Variants in MLLT1 observed in about 807,000 individuals in gnomAD.
MLLT1 encodes protein ENL.
MLLT1 carries 11 observed loss-of-function variants against 55.1 expected under a neutral mutation model. The ratio of observed to expected loss-of-function variants is 0.20; its 90% CI spans 0.13 to 0.33. MLLT1 has a LOEUF of 0.33. Among genes scored for constraint, MLLT1 ranks in the 10% least tolerant of loss-of-function variants. The pLI is 1.00. For synonymous variants in MLLT1, 323 were observed against 320.1 expected (o/e 1.01, Z -0.10); for missense variants, 536 against 760.6 (o/e 0.70, Z 3.47).
In MLLT1 at chr19:6,222,190, G is replaced by A. The variant is rs769603541; in HGVS notation, c.1041C>T (p.Pro347=). 1.9e-6 allele frequency: 3 copies of A among 1,599,522 alleles called. No individual in the cohort carries two copies. The highest frequency in any genetic ancestry group is 1.7e-5 in the Admixed American group (1 of 57,402). ...CCTCCAGGGCCTTTTTGGCCTCCCGGGGCTCACTCTCGGCCTTCACCTTCT... is the reference window on the plus strand; with the variant it reads ...CCTCCAGGGCCTTTTTGGCCTCCCGAGGCTCACTCTCGGCCTTCACCTTCT... ...RGEKVKAESE[P]REAKKALEVE... is the part of the protein sequence containing the mutation. The change falls in exon 6 of 12, where the codon CCC becomes CCT. Residue 347 remains proline, a synonymous_variant. Coordinates refer to ENST00000252674, the MANE Select transcript of MLLT1 (RefSeq NM_005934.4). This position sits in a 1 kb window ranked among gnomAD's most constrained non-coding sequence, Gnocchi z 4.1.
intron 3 of MLLT1, among the ~76,000 whole-genome samples, chr19:6,261,076 C>T (rs1343025946): frequency 2.6e-5 from 4 of 152,192 alleles, no homozygotes; most frequent in Admixed American, 2.6e-4. Flanking sequence ...CTTCCATACG[C>T]TCACCGGATA....
Position 6,212,592 on chromosome 19 carries a change from C to T in MLLT1, c.*450G>A, listed in dbSNP as rs749033338. 5.0e-5 allele frequency: 55 copies of T among 1,091,992 alleles called. No individual in the cohort carries two copies. The highest frequency in any genetic ancestry group is 9.7e-5 in the Admixed American group (2 of 20,654). 67.6% of individuals were successfully genotyped at this position (1,091,992 alleles called of 1,614,324 possible). On this transcript the variant is annotated 3_prime_UTR_variant, in exon 12 of 12. Coordinates refer to ENST00000252674, the MANE Select transcript of MLLT1 (RefSeq NM_005934.4). ...GACGACGCAGACACACAGGCAGGGC[C>T]TTCTGAGGTCCAGGGTGGGCGGAGG... is the stretch of plus-strand genomic sequence containing the variant.
intron 3 of MLLT1, among the ~76,000 whole-genome samples, chr19:6,234,628 C>G (rs913198239): frequency 1.3e-5 from 2 of 152,130 alleles, no homozygotes; most frequent in African/African-American, 4.8e-5. Context: ...GGCAGCCACA[C>G]AGAGAGACCA....
rs1568281522 is a variant in MLLT1 at position 6,231,441 on chromosome 19, T to TG, written c.277-729dup. ...GGCAGGCTTGCAGGAAGGAGCTGTCTGCACGGGCTCCTGTGGAGGCCTAGC... is the reference window on the plus strand; with the variant it reads ...GGCAGGCTTGCAGGAAGGAGCTGTCTGGCACGGGCTCCTGTGGAGGCCTAGC... On this transcript the variant is annotated intron_variant, in intron 3 of 11. Coordinates refer to ENST00000252674, the MANE Select transcript of MLLT1 (RefSeq NM_005934.4). This position sits in a 1 kb window ranked among gnomAD's most constrained non-coding sequence, Gnocchi z 5.1. Among the ~76,000 whole-genome samples, 1 of 152,084 alleles carries TG rather than the reference T, an allele frequency of 6.6e-6. No individual in the cohort carries two copies. Among genetic ancestry groups the TG allele is most frequent in the Non-Finnish European group, 1.5e-5 (1 of 68,022 alleles).
intron 6 of MLLT1, 56 bp from the exon 7 acceptor site, chr19:6,218,097 C>A: frequency 6.5e-7 from 1 of 1,542,516 alleles, no homozygotes; most frequent in South Asian, 1.2e-5. Flanking sequence ...TGTCACCTTT[C>A]AGCAGAGACA....
At chr19:6,243,107 A>G (rs2091131051) in intron 3 of MLLT1, among the ~76,000 whole-genome samples, 1 of 152,216 alleles carries the variant, frequency 6.6e-6, no homozygotes, top group South Asian at 2.1e-4. Flanking sequence ...ACAAAGCAAG[A>G]CAAAAATCAA....
At chr19:6,260,159 G>C (rs2144936687) in intron 3 of MLLT1, among the ~76,000 whole-genome samples, 2 of 152,000 alleles carry the variant, frequency 1.3e-5, no homozygotes, top group Middle Eastern at 6.8e-3. Context: ...GAGCAGGCAG[G>C]GATTCAGAGA....
chr19:6,237,893 G>A (rs538237159), intron 3 of MLLT1, among the ~76,000 whole-genome samples: 6 of 152,122 alleles, frequency 3.9e-5, no homozygotes, highest in Admixed American at 6.5e-5. Flanking sequence ...CTTTGAGGTC[G>A]GAAGTTTGAG....
chr19:6,211,196 G>A lies in MLLT1; in HGVS notation c.*1846C>T, dbSNP rs1332214318. The A allele has an allele frequency of 1.3e-5, 3 of 232,568 alleles. No individual in the cohort carries two copies. Among genetic ancestry groups the A allele is most frequent in the Non-Finnish European group, 2.5e-5 (3 of 117,732 alleles). The allele number at this position is 232,568 out of a possible 1,614,324, so 14.4% of individuals were successfully genotyped here. On this transcript the variant is annotated 3_prime_UTR_variant, in exon 12 of 12. Coordinates refer to ENST00000252674, the MANE Select transcript of MLLT1 (RefSeq NM_005934.4). The surrounding 1 kb of genome is among the most constrained non-coding windows in gnomAD (Gnocchi z 4.6). ...CTCAGGCCAGTTCCTTCAGTCCAATGTCTTAGTTTCCAGAGAAGAAAGGAA... is the reference window on the plus strand; with the variant it reads ...CTCAGGCCAGTTCCTTCAGTCCAATATCTTAGTTTCCAGAGAAGAAAGGAA...
intron 1 of MLLT1, among the ~76,000 whole-genome samples, chr19:6,279,345 G>A (rs2091444642): frequency 6.6e-6 from 1 of 152,138 alleles, no homozygotes; most frequent in African/African-American, 2.4e-5. Context: ...CCCGGGAGGG[G>A]TCTGAACAGG....
Position 6,270,535 on chromosome 19 carries a change from A to C in MLLT1, c.193+44T>G, listed in dbSNP as rs1374153560. The C allele has an allele frequency of 1.3e-6, 2 of 1,568,682 alleles. No individual in the cohort carries two copies. Among genetic ancestry groups the C allele is most frequent in the African/African-American group, 1.3e-5 (1 of 74,230 alleles). On this transcript the variant is annotated intron_variant, in intron 2 of 11. Coordinates refer to ENST00000252674, the MANE Select transcript of MLLT1 (RefSeq NM_005934.4). This position sits in a 1 kb window ranked among gnomAD's most constrained non-coding sequence, Gnocchi z 7.1. ...GCCTGGCCTTGGGAGGAGTGAAGAC[A>C]GATGGGTCCGTGCTGTGGGCACTCA...
At chr19:6,266,276 CAAAAAAAAAAAA>C (rs35972478) in intron 2 of MLLT1, among the ~76,000 whole-genome samples, 1 of 73,608 alleles carries the variant, frequency 1.4e-5, no homozygotes, top group Admixed American at 1.5e-4. Flanking sequence ...ATTCTGTCTC[CAAAAAAAAAAAA>C]AAAAAAAAAG....
At position 6,223,727 on chromosome 19, in the gene MLLT1, C is replaced by T. The variant is rs146587288; in HGVS notation, c.547-1043G>A. On this transcript the variant is annotated intron_variant, in intron 5 of 11. Transcript: ENST00000252674. ...GTATGTTTCTGCCCTACACCCCATCCGATAGGCACACTGCCAGCACTCCCC... is the reference window on the plus strand; with the variant it reads ...GTATGTTTCTGCCCTACACCCCATCTGATAGGCACACTGCCAGCACTCCCC... Among the ~76,000 whole-genome samples the T allele has an allele frequency of 4.9e-4, 75 of 152,276 alleles. 1 individual carries two copies. The highest frequency in any genetic ancestry group is 3.4e-3 in the Middle Eastern group (1 of 294).
chr19:6,254,575 T>A (rs2091243444), intron 3 of MLLT1, among the ~76,000 whole-genome samples: 1 of 152,162 alleles, frequency 6.6e-6, no homozygotes, highest in African/African-American at 2.4e-5. Flanking sequence ...ATCACTGAAT[T>A]CAACTGCAGG....
intron 2 of MLLT1, among the ~76,000 whole-genome samples, chr19:6,264,891 T>C (rs1293787103): frequency 1.4e-5 from 1 of 69,030 alleles, no homozygotes; most frequent in Non-Finnish European, 3.0e-5. Context: ...CGAAACTCTG[T>C]TAAAAAAAAA....
Position 6,211,069 on chromosome 19 carries a change from CGAA to C in MLLT1, c.*1970_*1972del, listed in dbSNP as rs1040918599. ...CTGTGTGGATTTTGGGGGACTCCTG[CGAA>C]GGAGAAAGGCCAGCACCCTGGGCTG... is the stretch of plus-strand genomic sequence containing the variant. On this transcript the variant is annotated 3_prime_UTR_variant, in exon 12 of 12. Transcript: ENST00000252674. This position sits in a 1 kb window ranked among gnomAD's most constrained non-coding sequence, Gnocchi z 4.6. 8.6e-6 allele frequency: 2 copies of C among 231,762 alleles called. No homozygotes were observed. Among genetic ancestry groups the C allele is most frequent in the Non-Finnish European group, 1.7e-5 (2 of 117,294 alleles). 14.4% of individuals were successfully genotyped at this position (231,762 alleles called of 1,614,324 possible). A position where few individuals can be genotyped will look rare whatever the true frequency, so the allele number is the denominator to read the frequency against.
chr19:6,213,611 G>T, intron 10 of MLLT1, 115 bp downstream of exon 10: 1 of 1,134,376 alleles, frequency 8.8e-7, no homozygotes, highest in Admixed American at 1.8e-5. Flanking sequence ...CCCTGCTCCT[G>T]CCCAGGAAGA....
In MLLT1 at chr19:6,222,365, G is replaced by T; in HGVS notation, c.866C>A (p.Thr289Asn). 1 of 1,258,228 alleles carries T rather than the reference G, an allele frequency of 7.9e-7. No individual in the cohort carries two copies. 77.9% of individuals were successfully genotyped at this position (1,258,228 alleles called of 1,614,324 possible). A position where few individuals can be genotyped will look rare whatever the true frequency, so the allele number is the denominator to read the frequency against. ...GGCGCTGGGCTTTGGCGAGTCGGCG[G>T]TGGCCGGCCGCTTGCTGGAAGCCCG... is the stretch of plus-strand genomic sequence containing the variant. ...PPRASSKRPA[T>N]ADSPKPSAKK... is the part of the protein sequence containing the mutation. The change falls in exon 6 of 12, where the codon ACC (threonine) becomes AAC (asparagine). Residue 289 changes from threonine to asparagine, a missense_variant. Transcript: ENST00000252674. The surrounding 1 kb of genome is among the most constrained non-coding windows in gnomAD (Gnocchi z 4.1).
Position 6,230,802 on chromosome 19 carries a change from C to T in MLLT1, c.277-89G>A. 2 of 1,493,810 alleles carry T rather than the reference C, an allele frequency of 1.3e-6. No homozygotes were observed. The highest frequency in any genetic ancestry group is 1.2e-5 in the South Asian group (1 of 82,782). The allele number at this position is 1,493,810 out of a possible 1,614,324, so 92.5% of individuals were successfully genotyped here. On this transcript the variant is annotated intron_variant, in intron 3 of 11. Coordinates refer to ENST00000252674, the MANE Select transcript of MLLT1 (RefSeq NM_005934.4). This position sits in a 1 kb window ranked among gnomAD's most constrained non-coding sequence, Gnocchi z 9.0. ...CCATTGGCCCTGGTCCTCCCCTCTC[C>T]CTCACTGGGCCTCTGTTCCCCTCCC...
Sources: allele counts gnomAD v4.1 joint callset (sites outside exome capture counted in the v4.1 genomes callset), GRCh38; gene constraint gnomAD v4.1.1; non-coding constraint Gnocchi (gnomAD v3.1); transcripts MANE v1.5; gene names NCBI Gene and HGNC (gene_info 2026-07-23, HGNC 2026-07-21).